The following SOD2 variants were observed in gnomAD, a reference collection of about 807,000 sequenced individuals.
The protein encoded by SOD2 is superoxide dismutase 2.
A neutral mutation model predicts 27.0 loss-of-function variants in SOD2; 11 were observed. The observed-to-expected ratio is 0.41, with a 90% confidence interval of 0.26 to 0.67. The LOEUF is 0.67. Ranked by LOEUF, SOD2 falls within the 30% of genes least tolerant of loss-of-function variation. The pLI is 0.34. For missense variants in SOD2, 250 were observed against 274.5 expected (o/e 0.91, Z 0.63); for synonymous variants, 105 against 103.0 (o/e 1.02, Z -0.12).
At position 159,682,539 on chromosome 6, in the gene SOD2, A is replaced by G; in HGVS notation, c.623T>C (p.Ile208Thr). ...TCTTTCAGTTACATTCTCCCAGTTG[A>G]TTACATTCCAAATAGCTTTTAGATA... ...PDYLKAIWNV[I>T]NWENVTERYM... Residue 208 changes from isoleucine to threonine, a missense_variant, in exon 5 of 5, where the codon ATC becomes ACC. Physicochemically the swap from Ile to Thr is moderately conservative, Grantham distance 89. Transcript: ENST00000538183. 6.2e-7 allele frequency: 1 copy of G among 1,614,052 alleles called. No homozygotes were observed. The highest frequency in any genetic ancestry group is 8.5e-7 in the Non-Finnish European group (1 of 1,179,974).
upstream of SOD2, among the ~76,000 whole-genome samples, chr6:159,697,010 G>T (rs947051424): frequency 6.8e-6 from 1 of 148,136 alleles, no homozygotes; most frequent in Non-Finnish European, 1.5e-5. Flanking sequence ...CCTTACTCCA[G>T]TCTGGGCAAG....
chr6:159,705,626 C>T (rs147118722), intron 1 of SOD2, among the ~76,000 whole-genome samples: 4,383 of 152,174 alleles, frequency 0.029, 221 homozygotes, highest in African/African-American at 0.1. Flanking sequence ...GTGAAAAGAC[C>T]AAATCTACGT....
intron 1 of SOD2, chr6:159,725,816 T>C (rs1778152636): frequency 6.6e-6 from 1 of 152,072 alleles, no homozygotes. Context: ...TATATGCTTA[T>C]TTTTGCTTTT....
upstream of SOD2, chr6:159,749,518 C>T: frequency 1.2e-6 from 1 of 854,980 alleles, no homozygotes; most frequent in Non-Finnish European, 1.4e-6. Context: ...CTGTTGAGAG[C>T]AGATTCATTT....
At chr6:159,692,543 G>C (rs1188216886) in intron 2 of SOD2, 118 bp downstream of exon 2, 2 of 1,514,756 alleles carry the variant, frequency 1.3e-6, no homozygotes, top group East Asian at 2.4e-5. Flanking sequence ...GGAAAACTCG[G>C]AACCGGTACA....
chr6:159,740,193 C>T (rs4709364), intron 1 of SOD2, among the ~76,000 whole-genome samples: 32,017 of 151,520 alleles, frequency 0.21, 3,520 homozygotes, highest in East Asian at 0.4. Flanking sequence ...TTTTTAATGC[C>T]TTCTTACATA....
chr6:159,711,189 C>T (rs200969383), intron 1 of SOD2, among the ~76,000 whole-genome samples: 454 of 30,394 alleles, frequency 0.015, 2 homozygotes, highest in Middle Eastern at 0.026. Flanking sequence ...ACCACCTCCA[C>T]AACCACCACT....
chr6:159,715,040 A>G (rs1481858281), intron 1 of SOD2, among the ~76,000 whole-genome samples: 2 of 151,824 alleles, frequency 1.3e-5, no homozygotes, highest in African/African-American at 2.4e-5. Flanking sequence ...TATAATATTC[A>G]GGATTTTTAG....
chr6:159,669,313 A>G lies in SOD2; in HGVS notation c.*13180T>C, dbSNP rs1779607961. On this transcript the variant is annotated 3_prime_UTR_variant, in exon 5 of 5. Coordinates refer to ENST00000538183, the MANE Select transcript of SOD2 (RefSeq NM_000636.4). ...TTCTGCACCTATTAGAATGTTCTGT[A>G]AATGTCAGGTCCATTTGGTGTAAAG... 1 of 152,198 alleles carries G rather than the reference A, an allele frequency of 6.6e-6. No homozygotes were observed. The highest frequency in any genetic ancestry group is 1.5e-5 in the Non-Finnish European group (1 of 68,040). 9.4% of individuals were successfully genotyped at this position (152,198 alleles called of 1,614,324 possible).
intron 1 of SOD2, among the ~76,000 whole-genome samples, chr6:159,737,355 A>T (rs1284621476): frequency 6.6e-6 from 1 of 152,150 alleles, no homozygotes; most frequent in East Asian, 1.9e-4. Flanking sequence ...GCAGCCTTTC[A>T]ATATGTTACA....
upstream of SOD2, chr6:159,727,355 C>T (rs1295634946): frequency 1.0e-6 from 1 of 995,436 alleles, no homozygotes; most frequent in East Asian, 6.9e-5. Context: ...AGAAGGCGAA[C>T]ATGGCGGAGC....
chr6:159,727,646 A>G (rs1778275131), upstream of SOD2: 2 of 985,570 alleles, frequency 2.0e-6, no homozygotes, highest in Non-Finnish European at 2.4e-6. Flanking sequence ...CGGCAGGGCA[A>G]GCAGCGCGGC....
At chr6:159,706,426 T>A (rs936272984) in intron 1 of SOD2, among the ~76,000 whole-genome samples, 5 of 152,096 alleles carry the variant, frequency 3.3e-5, no homozygotes, top group African/African-American at 1.2e-4. Flanking sequence ...GAGGAAGATC[T>A]ACCCAGCAAG....
At chr6:159,721,306 A>T (rs1778036012) in intron 1 of SOD2, among the ~76,000 whole-genome samples, 1 of 151,876 alleles carries the variant, frequency 6.6e-6, no homozygotes, top group East Asian at 1.9e-4. Flanking sequence ...TGACCTCGTG[A>T]TCTGCCCGCC....
At chr6:159,705,076 A>G (rs1387933974) in intron 1 of SOD2, among the ~76,000 whole-genome samples, 1 of 152,242 alleles carries the variant, frequency 6.6e-6, no homozygotes, top group African/African-American at 2.4e-5. Context: ...TGTTAGAAAG[A>G]AAACCAACAA....
chr6:159,755,359 C>T (rs778195151), intron 1 of SOD2: 2 of 1,614,220 alleles, frequency 1.2e-6, no homozygotes, highest in South Asian at 1.1e-5. Flanking sequence ...GTAATAAGTC[C>T]TCCAACAGCT....
At chr6:159,709,717 C>T (rs570063104) in intron 1 of SOD2, among the ~76,000 whole-genome samples, 4 of 152,250 alleles carry the variant, frequency 2.6e-5, no homozygotes, top group East Asian at 3.9e-4. Context: ...GGCGATTCCT[C>T]AGGGATCTAG....
intron 1 of SOD2, chr6:159,742,285 G>T (rs372429691): frequency 1.9e-5 from 12 of 640,240 alleles, no homozygotes; most frequent in African/African-American, 1.7e-4. Flanking sequence ...CACTGTGTTG[G>T]GTGCAAGAAA....
rs1386024985 is a variant in SOD2, at chr6:159,680,909, C to T, written c.*1584G>A. 2 of 148,068 alleles carry T rather than the reference C, an allele frequency of 1.4e-5. No homozygotes were observed. The highest frequency in any genetic ancestry group is 1.5e-5 in the Non-Finnish European group (1 of 67,420). The allele number at this position is 148,068 out of a possible 1,614,324, so 9.2% of individuals were successfully genotyped here. ...TCCGGTCGCGCCACTGCACTCCAGC[C>T]TGGGCAACAGAGCAAGACTCTGTCT... On this transcript the variant is annotated 3_prime_UTR_variant, in exon 5 of 5. Transcript: ENST00000538183.
Sources: allele counts gnomAD v4.1 joint callset (sites outside exome capture counted in the v4.1 genomes callset), GRCh38; gene constraint gnomAD v4.1.1; transcripts MANE v1.5; gene names NCBI Gene and HGNC (gene_info 2026-07-23, HGNC 2026-07-21).